ATP8B4: variants seen among roughly 807,000 people sequenced by gnomAD.
The protein encoded by ATP8B4 is ATPase phospholipid transporting 8B4 (putative).
Under a neutral mutation model 145.6 loss-of-function variants are expected in ATP8B4, and 133 were observed. The observed-to-expected ratio is 0.91, with a 90% CI of 0.79 to 1.05. The LOEUF is 1.05. Ranked by LOEUF, ATP8B4 falls within the 50% of genes least tolerant of loss-of-function variation. The pLI, the probability that ATP8B4 is intolerant of heterozygous loss-of-function variation, is 0.00. For synonymous variants in ATP8B4, 507 were observed against 492.9 expected (o/e 1.03, Z -0.38); for missense variants, 1,458 against 1,425.2 (o/e 1.02, Z -0.37).
intron 2 of ATP8B4, among the ~76,000 whole-genome samples, chr15:50,093,239 A>G (rs2055727348): frequency 1.3e-5 from 2 of 152,132 alleles, no homozygotes; most frequent in African/African-American, 4.8e-5. Flanking sequence ...TATTCTAGAT[A>G]GAATGCAGAA....
chr15:49,929,446 G>A lies in ATP8B4; in HGVS notation c.1642+1673C>T, dbSNP rs145822136. Among the ~76,000 whole-genome samples, 14 of 152,196 alleles carry A rather than the reference G, an allele frequency of 9.2e-5. No individual in the cohort carries two copies. The East Asian group carries it at 2.5e-3, about 27-fold the overall frequency. On this transcript the variant is annotated intron_variant, in intron 16 of 27. Coordinates refer to ENST00000284509, the MANE Select transcript of ATP8B4 (RefSeq NM_024837.4). Reference sequence around the variant, plus strand: ...TAGAAAGAACTATAGTTGTGAGAAAGAAAGTTCCATATTTGACATAAAACT... The same window carrying A: ...TAGAAAGAACTATAGTTGTGAGAAAAAAAGTTCCATATTTGACATAAAACT...
chr15:49,905,951 C>T (rs1387324742), intron 20 of ATP8B4, among the ~76,000 whole-genome samples: 5 of 148,946 alleles, frequency 3.4e-5, no homozygotes, highest in Non-Finnish European at 7.4e-5. Flanking sequence ...TATGTACCTA[C>T]ATATATATAC....
chr15:50,162,546 G>A (rs148332721), intron 1 of ATP8B4, among the ~76,000 whole-genome samples: 14,967 of 151,544 alleles, frequency 0.099, 1,017 homozygotes, highest in African/African-American at 0.18. Context: ...TCGCTCTGTC[G>A]CCCAGGCTGG....
At chr15:50,067,453 G>C (rs913716742) in intron 3 of ATP8B4, among the ~76,000 whole-genome samples, 8 of 152,216 alleles carry the variant, frequency 5.3e-5, no homozygotes, top group African/African-American at 1.4e-4. Context: ...CTTGCTAACA[G>C]TGGTGGTACA....
intron 6 of ATP8B4, among the ~76,000 whole-genome samples, chr15:50,031,863 C>A (rs7170142): frequency 0.066 from 10,028 of 152,222 alleles, 503 homozygotes; most frequent in African/African-American, 0.14. Context: ...TGAATCAATA[C>A]ACAAATTTGC....
intron 3 of ATP8B4, 26 bp from the exon 4 acceptor site, chr15:50,047,490 G>C: frequency 7.2e-7 from 1 of 1,380,450 alleles, no homozygotes; most frequent in Non-Finnish European, 1.0e-6. Flanking sequence ...CATCATGTTA[G>C]TTTGGGGCAA....
chr15:49,880,768 G>C (rs1169027279), intron 23 of ATP8B4: 2 of 151,776 alleles, frequency 1.3e-5, no homozygotes, highest in African/African-American at 2.4e-5. Flanking sequence ...ATTTAGAAAG[G>C]GGGACTATAT....
At chr15:49,981,733 G>T (rs2046173490) in intron 10 of ATP8B4, among the ~76,000 whole-genome samples, 2 of 152,066 alleles carry the variant, frequency 1.3e-5, no homozygotes, top group Admixed American at 6.6e-5. Context: ...TTCCCAAAAA[G>T]ATTTGAGGTC....
chr15:50,042,166 A>C (rs939866843), intron 5 of ATP8B4, among the ~76,000 whole-genome samples: 3 of 151,950 alleles, frequency 2.0e-5, no homozygotes, highest in African/African-American at 4.8e-5. Flanking sequence ...AAAAAAAAAA[A>C]AAAAACTAAC....
intron 7 of ATP8B4, 79 bp downstream of exon 7, chr15:50,010,766 A>G: frequency 1.1e-6 from 1 of 932,316 alleles, no homozygotes; most frequent in South Asian, 2.1e-5. Flanking sequence ...AGGATTTACT[A>G]AATTTGCAAA....
chr15:50,117,421 T>C (rs1257853173), intron 1 of ATP8B4, among the ~76,000 whole-genome samples: 2 of 152,188 alleles, frequency 1.3e-5, no homozygotes, highest in African/African-American at 4.8e-5. Context: ...AGTTAACTCT[T>C]TTCCTACTAA....
chr15:49,990,809 A>T (rs2046988877), intron 9 of ATP8B4, among the ~76,000 whole-genome samples: 1 of 152,170 alleles, frequency 6.6e-6, no homozygotes, highest in Admixed American at 6.6e-5. Context: ...ACTCTTCCAT[A>T]AGACAAATCA....
At chr15:50,144,443 A>G (rs540610336) in intron 1 of ATP8B4, among the ~76,000 whole-genome samples, 23 of 152,324 alleles carry the variant, frequency 1.5e-4, no homozygotes, top group African/African-American at 5.3e-4. Context: ...GAAACTTACA[A>G]TCATGGCAGA....
At chr15:50,150,288 T>C (rs995023649) in intron 1 of ATP8B4, among the ~76,000 whole-genome samples, 2 of 152,140 alleles carry the variant, frequency 1.3e-5, no homozygotes, top group Admixed American at 6.5e-5. Context: ...GCAGAGTCTT[T>C]TGTGATAGTA....
intron 6 of ATP8B4, among the ~76,000 whole-genome samples, chr15:50,035,477 G>C (rs1384857458): frequency 1.3e-5 from 2 of 152,108 alleles, no homozygotes; most frequent in African/African-American, 4.8e-5. Flanking sequence ...GAACTCTAAC[G>C]TAGACTCTTA....
At chr15:49,978,131 T>C (rs1184047382) in intron 12 of ATP8B4, among the ~76,000 whole-genome samples, 1 of 152,218 alleles carries the variant, frequency 6.6e-6, no homozygotes, top group Non-Finnish European at 1.5e-5. Flanking sequence ...AAAGAATGTA[T>C]ACATAATATA....
intron 23 of ATP8B4, 97 bp from the exon 24 acceptor site, chr15:49,879,556 G>A: frequency 1.9e-6 from 2 of 1,071,854 alleles, no homozygotes; most frequent in Non-Finnish European, 2.7e-6. Context: ...AGGTGGGTGG[G>A]AGTTGACTTT....
At chr15:50,103,560 A>G (rs1600400282) in intron 2 of ATP8B4, among the ~76,000 whole-genome samples, 1 of 152,182 alleles carries the variant, frequency 6.6e-6, no homozygotes, top group East Asian at 1.9e-4. Flanking sequence ...AAGGAAGACT[A>G]TAAAACACTG....
intron 14 of ATP8B4, among the ~76,000 whole-genome samples, chr15:49,954,285 G>A (rs1409866117): frequency 6.6e-6 from 1 of 151,916 alleles, no homozygotes; most frequent in Non-Finnish European, 1.5e-5. Flanking sequence ...TATTAGTTCT[G>A]TCCCTCTAGA....
Sources: allele counts gnomAD v4.1 joint callset (sites outside exome capture counted in the v4.1 genomes callset), GRCh38; gene constraint gnomAD v4.1.1; transcripts MANE v1.5; gene names NCBI Gene and HGNC (gene_info 2026-07-23, HGNC 2026-07-21).